The following SPAG16 variants were observed in gnomAD, a reference collection of about 807,000 sequenced individuals.
SPAG16 encodes the protein sperm associated antigen 16.
In SPAG16, 86 loss-of-function variants were observed where a neutral mutation model predicts 80.4. That is an observed-to-expected ratio of 1.07 (90% CI 0.90 to 1.28). The LOEUF (loss-of-function observed/expected upper bound fraction) is 1.28. Among genes scored for constraint, SPAG16 ranks in the 50% most tolerant of loss-of-function variants. The probability of loss-of-function intolerance (pLI) is 0.00; values close to 1 mark genes in which losing one functional copy is unlikely to be tolerated. For synonymous variants in SPAG16, 294 were observed against 265.9 expected, an observed-to-expected ratio of 1.11 and a Z score of -1.03; for missense variants, 870 against 765.3, an observed-to-expected ratio of 1.14 and a Z score of -1.61.
At chr2:213,423,476 A>G (rs757880049) in intron 9 of SPAG16, among the ~76,000 whole-genome samples, 2 of 152,222 alleles carry the variant, frequency 1.3e-5, no homozygotes, top group East Asian at 1.9e-4. Context: ...GGTTGGTCAC[A>G]TACTAGCTGT....
chr2:213,717,859 G>C (rs573942973), intron 10 of SPAG16, among the ~76,000 whole-genome samples: 3 of 151,926 alleles, frequency 2.0e-5, no homozygotes, highest in Admixed American at 2.0e-4. Flanking sequence ...TTTACAAAAT[G>C]GGGTTTTAAA....
At chr2:214,027,433 C>A (rs923473317) in intron 13 of SPAG16, among the ~76,000 whole-genome samples, 1 of 151,616 alleles carries the variant, frequency 6.6e-6, no homozygotes, top group Non-Finnish European at 1.5e-5. Flanking sequence ...AGTAATTGAT[C>A]TTCTAAACAA....
At chr2:214,230,122 C>T (rs542705500) in intron 15 of SPAG16, among the ~76,000 whole-genome samples, 2 of 151,972 alleles carry the variant, frequency 1.3e-5, no homozygotes, top group East Asian at 3.9e-4. Flanking sequence ...TATTCAGCCT[C>T]CTCATTTTAA....
chr2:213,763,783 G>T (rs551500976), intron 10 of SPAG16, among the ~76,000 whole-genome samples: 1 of 152,286 alleles, frequency 6.6e-6, no homozygotes, highest in East Asian at 1.9e-4. Context: ...CCAAGATCTG[G>T]ATGACCGTCT....
intron 9 of SPAG16, among the ~76,000 whole-genome samples, chr2:213,412,760 A>T (rs2069050988): frequency 6.6e-6 from 1 of 152,202 alleles, no homozygotes; most frequent in Non-Finnish European, 1.5e-5. Context: ...AATAAATGAA[A>T]CCAGCATGGC....
chr2:214,071,588 C>T (rs2050790284), intron 13 of SPAG16, among the ~76,000 whole-genome samples: 1 of 152,052 alleles, frequency 6.6e-6, no homozygotes, highest in South Asian at 2.1e-4. Context: ...ACATGAACTC[C>T]AACATAAAAT....
chr2:213,697,387 GTGCATCTTGAAGCC>G (rs111363205), intron 10 of SPAG16, among the ~76,000 whole-genome samples: 5 of 152,278 alleles, frequency 3.3e-5, no homozygotes, highest in African/African-American at 1.2e-4. Flanking sequence ...TAGAATTGCT[GTGCATCTTGAAGCC>G]TGCACAATGT....
chr2:213,798,257 G>A (rs976902454), intron 10 of SPAG16, among the ~76,000 whole-genome samples: 4 of 151,760 alleles, frequency 2.6e-5, no homozygotes, highest in African/African-American at 9.7e-5. Context: ...GGCATTTTTT[G>A]TTTGTTTGTT....
intron 10 of SPAG16, among the ~76,000 whole-genome samples, chr2:213,535,384 A>T (rs2076208148): frequency 6.6e-6 from 1 of 152,146 alleles, no homozygotes; most frequent in Admixed American, 6.6e-5. Context: ...AGTAGACACA[A>T]TGGGAAATAT....
At chr2:214,352,952 G>A (rs1279379963) in intron 15 of SPAG16, among the ~76,000 whole-genome samples, 1 of 151,964 alleles carries the variant, frequency 6.6e-6, no homozygotes, top group Non-Finnish European at 1.5e-5. Flanking sequence ...TCTCTGCTGT[G>A]GGTTCTAGAC....
chr2:214,001,853 G>A (rs1264781098), intron 12 of SPAG16, among the ~76,000 whole-genome samples: 1 of 152,114 alleles, frequency 6.6e-6, no homozygotes, highest in South Asian at 2.1e-4. Context: ...TAAAGTAAGA[G>A]TTTGTGCGTA....
chr2:213,413,522 G>A (rs1193634349), intron 9 of SPAG16, among the ~76,000 whole-genome samples: 1 of 152,030 alleles, frequency 6.6e-6, no homozygotes, highest in Non-Finnish European at 1.5e-5. Context: ...ACTGTCATAT[G>A]AAATTTAAGA....
At chr2:213,775,222 C>T (rs1194857732) in intron 10 of SPAG16, among the ~76,000 whole-genome samples, 1 of 152,100 alleles carries the variant, frequency 6.6e-6, no homozygotes, top group Non-Finnish European at 1.5e-5. Flanking sequence ...CAGTTCTTTG[C>T]TGGGCTTTAT....
At chr2:213,605,498 T>A (rs6712394) in intron 10 of SPAG16, among the ~76,000 whole-genome samples, 52,582 of 151,098 alleles carry the variant, frequency 0.35, 9,549 homozygotes, top group Middle Eastern at 0.5. Context: ...AAAAATATAT[T>A]TTTTTTTTGA....
At chr2:214,095,845 G>C (rs1346181169) in intron 13 of SPAG16, among the ~76,000 whole-genome samples, 1 of 151,916 alleles carries the variant, frequency 6.6e-6, no homozygotes, top group African/African-American at 2.4e-5. Flanking sequence ...CATCTCTTGT[G>C]CTTTTTAACC....
chr2:213,495,051 T>C (rs1270062956), intron 10 of SPAG16, among the ~76,000 whole-genome samples: 1 of 152,238 alleles, frequency 6.6e-6, no homozygotes, highest in Non-Finnish European at 1.5e-5. Context: ...TTCAGTCCTT[T>C]CATTCTACTT....
intron 15 of SPAG16, among the ~76,000 whole-genome samples, chr2:214,399,579 C>CA (rs1249212362): frequency 1.3e-5 from 2 of 151,918 alleles, no homozygotes; most frequent in African/African-American, 4.8e-5. Context: ...GAACAACTCC[C>CA]AAAATATTAT....
At chr2:213,935,825 C>T (rs2106268532) in intron 12 of SPAG16, among the ~76,000 whole-genome samples, 1 of 152,280 alleles carries the variant, frequency 6.6e-6, no homozygotes, top group Admixed American at 6.5e-5. Context: ...AACAAATATG[C>T]ATTGAGCACT....
chr2:214,169,782 A>C (rs566885783), intron 15 of SPAG16, among the ~76,000 whole-genome samples: 1 of 152,122 alleles, frequency 6.6e-6, no homozygotes, highest in East Asian at 1.9e-4. Flanking sequence ...AGTATCCTTA[A>C]AGCGTTTGAG....
Sources: gnomAD v4.1 joint callset for allele counts (sites outside exome capture counted in the v4.1 genomes callset) on GRCh38, gnomAD v4.1.1 for gene constraint, MANE v1.5 for transcripts, NCBI Gene and HGNC (gene_info 2026-07-23, HGNC 2026-07-21) for gene names.